Variants in KCNIP4 observed in about 807,000 individuals in gnomAD.
KCNIP4 encodes Kv channel-interacting protein 4.
In KCNIP4, 12 loss-of-function variants were observed where a neutral mutation model predicts 34.0. The observed-to-expected ratio is 0.35, with a 90% CI of 0.23 to 0.57. The LOEUF is 0.57. Ranked by LOEUF, KCNIP4 falls within the 20% of genes least tolerant of loss-of-function variation. The pLI is 0.83. For missense variants in KCNIP4, 238 were observed against 311.7 expected, an observed-to-expected ratio of 0.76 and a Z score of 1.78; for synonymous variants, 124 against 102.2, an observed-to-expected ratio of 1.21 and a Z score of -1.29.
intron 1 of KCNIP4, among the ~76,000 whole-genome samples, chr4:21,224,562 T>G (rs1348757634): frequency 6.7e-6 from 1 of 148,630 alleles, no homozygotes; most frequent in Non-Finnish European, 1.5e-5. Flanking sequence ...ATGGTTCTAC[T>G]TACAATTTTT....
intron 1 of KCNIP4, among the ~76,000 whole-genome samples, chr4:21,388,533 C>T (rs185859141): frequency 5.1e-4 from 77 of 152,028 alleles, no homozygotes; most frequent in Non-Finnish European, 9.0e-4. Flanking sequence ...TATAATTTAA[C>T]CTGTTAAAGT....
intron 4 of KCNIP4, among the ~76,000 whole-genome samples, chr4:20,756,388 T>G (rs1286578656): frequency 6.6e-6 from 1 of 152,128 alleles, no homozygotes; most frequent in Non-Finnish European, 1.5e-5. Flanking sequence ...CAATTCTGAA[T>G]CCTATTTATC....
chr4:21,346,076 ATATT>A (rs1303968388), intron 1 of KCNIP4, among the ~76,000 whole-genome samples: 2 of 132,242 alleles, frequency 1.5e-5, no homozygotes, highest in African/African-American at 2.8e-5. Flanking sequence ...TGTAATATAT[ATATT>A]TAAGATATTT....
At chr4:21,088,487 C>T (rs1358097845) in intron 1 of KCNIP4, among the ~76,000 whole-genome samples, 1 of 152,078 alleles carries the variant, frequency 6.6e-6, no homozygotes, top group Non-Finnish European at 1.5e-5. Context: ...CACAAGATAT[C>T]AACAAAAAGC....
chr4:21,180,055 G>T (rs890156627), intron 1 of KCNIP4, among the ~76,000 whole-genome samples: 1 of 152,110 alleles, frequency 6.6e-6, no homozygotes, highest in Non-Finnish European at 1.5e-5. Context: ...AGCTTTAACA[G>T]GCTGCTAAGA....
chr4:21,419,991 A>G (rs1295698039), intron 1 of KCNIP4, among the ~76,000 whole-genome samples: 2 of 152,188 alleles, frequency 1.3e-5, no homozygotes, highest in African/African-American at 4.8e-5. Flanking sequence ...AAGAGATTTC[A>G]GTTGTAGTTT....
Position 21,948,748 on chromosome 4 carries a change from G to C in KCNIP4, c.-117C>G. 1 of 1,220,848 alleles carries C rather than the reference G, an allele frequency of 8.2e-7. No homozygotes were observed. The highest frequency in any genetic ancestry group is 1.0e-6 in the Non-Finnish European group (1 of 967,892). 75.6% of individuals were successfully genotyped at this position (1,220,848 alleles called of 1,614,324 possible). A position where few individuals can be genotyped will look rare whatever the true frequency, so the allele number is the denominator to read the frequency against. ...GGCCCGGGGGCGTCCGTGGCGCTGGGAGCGAGAGCTTCGGCGGCGGCTGCG... is the reference window on the plus strand; with the variant it reads ...GGCCCGGGGGCGTCCGTGGCGCTGGCAGCGAGAGCTTCGGCGGCGGCTGCG... On this transcript the variant is annotated 5_prime_UTR_variant, in exon 1 of 9. Coordinates refer to ENST00000382152, the MANE Select transcript of KCNIP4 (RefSeq NM_025221.6).
intron 1 of KCNIP4, among the ~76,000 whole-genome samples, chr4:21,052,874 G>T (rs562002475): frequency 6.6e-6 from 1 of 152,138 alleles, no homozygotes; most frequent in African/African-American, 2.4e-5. Context: ...GGTGTAGGTT[G>T]CTGGTAATTC....
intron 1 of KCNIP4, among the ~76,000 whole-genome samples, chr4:21,646,704 C>A (rs536757438): frequency 3.9e-4 from 60 of 152,192 alleles, no homozygotes; most frequent in Non-Finnish European, 8.5e-4. Flanking sequence ...CCAAGTGTGG[C>A]AACCCCCACT....
At chr4:21,212,140 A>G (rs1280802998) in intron 1 of KCNIP4, among the ~76,000 whole-genome samples, 2 of 152,204 alleles carry the variant, frequency 1.3e-5, no homozygotes, top group Non-Finnish European at 2.9e-5. Context: ...TTTCTTTCCA[A>G]TCTCTCAGAT....
At chr4:21,866,225 G>A (rs1180642928) in intron 1 of KCNIP4, among the ~76,000 whole-genome samples, 1 of 152,074 alleles carries the variant, frequency 6.6e-6, no homozygotes, top group African/African-American at 2.4e-5. Flanking sequence ...CTGAGACTTT[G>A]CACATCTTCT....
intron 1 of KCNIP4, among the ~76,000 whole-genome samples, chr4:21,857,206 A>G (rs1381171491): frequency 2.6e-5 from 4 of 152,182 alleles, no homozygotes; most frequent in African/African-American, 9.6e-5. Flanking sequence ...TCTCCTTTGA[A>G]GTCCATACAA....
chr4:20,945,063 G>T (rs565973845), intron 1 of KCNIP4, among the ~76,000 whole-genome samples: 2 of 152,224 alleles, frequency 1.3e-5, no homozygotes, highest in South Asian at 4.1e-4. Flanking sequence ...CAGGAGATCT[G>T]GGCCATCAAA....
intron 4 of KCNIP4, among the ~76,000 whole-genome samples, chr4:20,751,540 A>C (rs183592676): frequency 8.5e-6 from 1 of 117,102 alleles, no homozygotes; most frequent in African/African-American, 3.7e-5. Context: ...CAGAGGAGGA[A>C]AAAAAAAAGA....
intron 1 of KCNIP4, among the ~76,000 whole-genome samples, chr4:20,908,382 AC>A (rs1351172210): frequency 2.6e-5 from 4 of 152,184 alleles, no homozygotes; most frequent in Non-Finnish European, 5.9e-5. Context: ...GGCGTGAACC[AC>A]CGCACCCGGC....
chr4:20,922,913 A>T (rs1317772492), intron 1 of KCNIP4, among the ~76,000 whole-genome samples: 1 of 152,096 alleles, frequency 6.6e-6, no homozygotes, highest in African/African-American at 2.4e-5. Context: ...GTCTCTAAAA[A>T]CCTTATAAAA....
chr4:21,241,847 G>A (rs189192913), intron 1 of KCNIP4, among the ~76,000 whole-genome samples: 3,160 of 152,128 alleles, frequency 0.021, 51 homozygotes, highest in Non-Finnish European at 0.03. Context: ...CAGTATGCTC[G>A]TCTATATCAT....
intron 3 of KCNIP4, among the ~76,000 whole-genome samples, chr4:20,809,865 C>A (rs2149431167): frequency 6.6e-6 from 1 of 152,346 alleles, no homozygotes; most frequent in Non-Finnish European, 1.5e-5. Flanking sequence ...CCTTTCTACT[C>A]CTCAGCATGT....
At chr4:21,764,719 A>G (rs1454536138) in intron 1 of KCNIP4, among the ~76,000 whole-genome samples, 1 of 152,084 alleles carries the variant, frequency 6.6e-6, no homozygotes, top group Non-Finnish European at 1.5e-5. Flanking sequence ...CTTTCCACCA[A>G]GGGCTCAGAT....
Sources: gnomAD v4.1 joint callset for allele counts (sites outside exome capture counted in the v4.1 genomes callset) on GRCh38, gnomAD v4.1.1 for gene constraint, MANE v1.5 for transcripts, NCBI Gene and HGNC (gene_info 2026-07-23, HGNC 2026-07-21) for gene names.